SLIT3: variants seen among roughly 807,000 people sequenced by gnomAD.
SLIT3 encodes slit homolog 3 protein.
A neutral mutation model predicts 184.0 loss-of-function variants in SLIT3; 68 were observed. That is an observed-to-expected ratio of 0.37 (90% CI 0.30 to 0.45). The LOEUF (loss-of-function observed/expected upper bound fraction) is 0.45. Ranked by LOEUF, SLIT3 falls within the 20% of genes least tolerant of loss-of-function variation. SLIT3 has a pLI of 1.00. For missense variants in SLIT3, 1,707 were observed against 2,026.0 expected, an observed-to-expected ratio of 0.84 and a Z score of 3.02; for synonymous variants, 831 against 828.6, an observed-to-expected ratio of 1.00 and a Z score of -0.05.
intron 4 of SLIT3, among the ~76,000 whole-genome samples, chr5:169,053,768 C>T (rs1376851883): frequency 2.0e-5 from 3 of 151,776 alleles, no homozygotes; most frequent in Non-Finnish European, 4.4e-5. Flanking sequence ...TGGCCCAAAG[C>T]CCTGGTTCCT....
chr5:169,129,821 GTT>G (rs556491428), intron 4 of SLIT3, among the ~76,000 whole-genome samples: 1 of 149,592 alleles, frequency 6.7e-6, no homozygotes, highest in Admixed American at 6.6e-5. Flanking sequence ...TTCTTTGGTG[GTT>G]TTTTTTGTTT....
intron 14 of SLIT3, among the ~76,000 whole-genome samples, chr5:168,766,673 C>A (rs1755356968): frequency 6.6e-6 from 1 of 152,224 alleles, no homozygotes; most frequent in Non-Finnish European, 1.5e-5. Flanking sequence ...CCATTATGGA[C>A]CCACTCCCAG....
At chr5:169,058,679 G>A (rs1053406676) in intron 4 of SLIT3, among the ~76,000 whole-genome samples, 2 of 152,174 alleles carry the variant, frequency 1.3e-5, no homozygotes, top group African/African-American at 2.4e-5. Context: ...TCCTGTGAGG[G>A]GACAGGATGT....
intron 1 of SLIT3, among the ~76,000 whole-genome samples, chr5:169,254,819 G>C (rs1461256690): frequency 6.6e-6 from 1 of 152,230 alleles, no homozygotes; most frequent in Non-Finnish European, 1.5e-5. Context: ...ATTAGGTGCA[G>C]ATACCTTTGG....
chr5:168,909,844 G>A (rs771976852), intron 4 of SLIT3, among the ~76,000 whole-genome samples: 8 of 152,110 alleles, frequency 5.3e-5, no homozygotes, highest in Non-Finnish European at 7.3e-5. Context: ...CAAGATCTCC[G>A]GACTTATCTC....
intron 4 of SLIT3, among the ~76,000 whole-genome samples, chr5:169,047,816 G>A (rs957643901): frequency 7.2e-5 from 11 of 152,068 alleles, no homozygotes; most frequent in African/African-American, 2.7e-4. Context: ...TGTAGCTGTA[G>A]GTCTATGAGG....
At position 168,819,343 on chromosome 5, in the gene SLIT3, C is replaced by G. The variant is rs72827664; in HGVS notation, c.630-1880G>C. Among the ~76,000 whole-genome samples, 1,304 of 152,316 alleles carry G rather than the reference C, an allele frequency of 8.6e-3. 7 individuals carry two copies. The highest frequency in any genetic ancestry group is 0.013 in the Non-Finnish European group (885 of 68,024). On this transcript the variant is annotated intron_variant, in intron 7 of 35. Coordinates refer to ENST00000519560, the MANE Select transcript of SLIT3 (RefSeq NM_003062.4). ...AGTGGACTTTCAGCTGACTTTTCGC[C>G]GGGTATAAATGTTGCCCAAGGAACA... is the stretch of plus-strand genomic sequence containing the variant.
chr5:169,134,288 G>T (rs1338489742), intron 4 of SLIT3, among the ~76,000 whole-genome samples: 1 of 152,182 alleles, frequency 6.6e-6, no homozygotes, highest in Non-Finnish European at 1.5e-5. Context: ...TAACAGGAGT[G>T]GGCCCCTCGG....
chr5:169,298,042 G>A (rs1246407969), intron 1 of SLIT3, among the ~76,000 whole-genome samples: 1 of 152,236 alleles, frequency 6.6e-6, no homozygotes, highest in African/African-American at 2.4e-5. Flanking sequence ...CTGAGAGAGA[G>A]TGTGGTGCAG....
At chr5:169,231,635 C>G (rs1765006775) in intron 3 of SLIT3, among the ~76,000 whole-genome samples, 1 of 152,088 alleles carries the variant, frequency 6.6e-6, no homozygotes, top group Non-Finnish European at 1.5e-5. Flanking sequence ...TGGCTTATTT[C>G]CAGTCTGGGG....
At chr5:168,702,448 C>A (rs1762245425) in intron 26 of SLIT3, among the ~76,000 whole-genome samples, 1 of 152,152 alleles carries the variant, frequency 6.6e-6, no homozygotes, top group Admixed American at 6.5e-5. Flanking sequence ...AGCCTCTATG[C>A]AGGACCACTT....
chr5:168,900,814 C>T (rs778150541), intron 4 of SLIT3, among the ~76,000 whole-genome samples: 1 of 152,138 alleles, frequency 6.6e-6, no homozygotes, highest in Non-Finnish European at 1.5e-5. Flanking sequence ...TTTGCAGCAA[C>T]ATGGATGGAA....
rs763321364 is a variant in SLIT3 at position 168,932,258 on chromosome 5, G to GTTTGT, written c.414-48923_414-48922insACAAA. Among the ~76,000 whole-genome samples, 311 of 103,556 alleles carry GTTTGT rather than the reference G, an allele frequency of 3.0e-3. 11 individuals are homozygous for GTTTGT. Among genetic ancestry groups the GTTTGT allele is most frequent in the Middle Eastern group, 0.02 (4 of 204 alleles). The allele number at this position is 103,556 out of a possible 152,430, so 67.9% of individuals were successfully genotyped here. On this transcript the variant is annotated intron_variant, in intron 4 of 35. Transcript: ENST00000519560. The stretch of plus-strand genomic sequence containing the variant: ...GACACAGTTTTTTTGTTGTTGTTGT[G>GTTTGT]TTTTTTTTTTTTTTTTGGTACAAGG...
chr5:168,843,919 G>C (rs1758355772), intron 6 of SLIT3, among the ~76,000 whole-genome samples: 1 of 152,136 alleles, frequency 6.6e-6, no homozygotes, highest in Non-Finnish European at 1.5e-5. Flanking sequence ...TCTAGACAAG[G>C]TGTATAGGGT....
rs1759531210 is a variant in SLIT3, at chr5:168,871,786, G to T, written c.485+11479C>A. Among the ~76,000 whole-genome samples, 3 of 152,132 alleles carry T rather than the reference G, an allele frequency of 2.0e-5. No individual in the cohort carries two copies. The South Asian group carries it at 6.2e-4, about 32-fold the overall frequency. ...TCTTCAAAACAACATCATAAAGGGG[G>T]ATTATATTATTTCCACTTAACATAT... On this transcript the variant is annotated intron_variant, in intron 5 of 35. Coordinates refer to ENST00000519560, the MANE Select transcript of SLIT3 (RefSeq NM_003062.4).
At chr5:169,082,612 G>A (rs1245833523) in intron 4 of SLIT3, among the ~76,000 whole-genome samples, 2 of 152,126 alleles carry the variant, frequency 1.3e-5, no homozygotes, top group African/African-American at 4.8e-5. Context: ...CTACCTACCT[G>A]AATCCTGTGG....
chr5:169,055,120 G>C (rs1399484969), intron 4 of SLIT3, among the ~76,000 whole-genome samples: 1 of 151,878 alleles, frequency 6.6e-6, no homozygotes, highest in Non-Finnish European at 1.5e-5. Flanking sequence ...ACTGGTAAAG[G>C]AGACCATCAG....
At chr5:169,144,715 C>G (rs533228149) in intron 4 of SLIT3, among the ~76,000 whole-genome samples, 35 of 152,330 alleles carry the variant, frequency 2.3e-4, no homozygotes, top group African/African-American at 8.4e-4. Context: ...GGCCTTCGGG[C>G]TGACTTCTAT....
intron 4 of SLIT3, among the ~76,000 whole-genome samples, chr5:169,057,236 C>T (rs1192535817): frequency 1.3e-5 from 2 of 152,182 alleles, no homozygotes; most frequent in African/African-American, 2.4e-5. Context: ...AAAGCATGCT[C>T]TTCTGAACCA....
Sources: allele counts gnomAD v4.1 joint callset (sites outside exome capture counted in the v4.1 genomes callset), GRCh38; gene constraint gnomAD v4.1.1; transcripts MANE v1.5; gene names NCBI Gene and HGNC (gene_info 2026-07-23, HGNC 2026-07-21).